DPP10: variants seen among roughly 807,000 people sequenced by gnomAD.
DPP10 encodes the protein dipeptidyl peptidase like 10.
Under a neutral mutation model 120.9 loss-of-function variants are expected in DPP10, and 33 were observed. The ratio of observed to expected loss-of-function variants is 0.27; its 90% CI spans 0.21 to 0.37. DPP10 has a LOEUF of 0.37. DPP10 is among the 10% of genes least tolerant of loss of function. The pLI, the probability that DPP10 is intolerant of heterozygous loss-of-function variation, is 1.00. For synonymous variants in DPP10, 337 were observed against 326.1 expected (o/e 1.03, Z -0.36); for missense variants, 816 against 942.8 (o/e 0.87, Z 1.76).
intron 5 of DPP10, among the ~76,000 whole-genome samples, chr2:115,558,053 A>G (rs939468004): frequency 2.6e-5 from 4 of 152,320 alleles, no homozygotes; most frequent in African/African-American, 4.8e-5. Flanking sequence ...TATTGTATAC[A>G]TTACATGTAC....
chr2:115,538,004 G>A (rs980321045), intron 5 of DPP10, among the ~76,000 whole-genome samples: 1 of 151,970 alleles, frequency 6.6e-6, no homozygotes, highest in Non-Finnish European at 1.5e-5. Context: ...CCCAGTCTAG[G>A]TAATCCAAGG....
chr2:114,738,858 T>C (rs1677732491), intron 1 of DPP10, among the ~76,000 whole-genome samples: 2 of 152,194 alleles, frequency 1.3e-5, no homozygotes, highest in East Asian at 1.9e-4. Flanking sequence ...AATTCTATTC[T>C]TTCTCCTCTT....
intron 4 of DPP10, among the ~76,000 whole-genome samples, chr2:115,500,751 C>G (rs777918021): frequency 6.6e-6 from 1 of 151,884 alleles, no homozygotes; most frequent in African/African-American, 2.4e-5. Context: ...CGTGGGATGT[C>G]AAGGATATGT....
chr2:114,909,529 T>C (rs1231586310), intron 1 of DPP10, among the ~76,000 whole-genome samples: 2 of 152,054 alleles, frequency 1.3e-5, no homozygotes, highest in African/African-American at 4.8e-5. Context: ...TTACTCTTGA[T>C]AGAATCTTGG....
At position 115,102,262 on chromosome 2, in the gene DPP10, C is replaced by T. The variant is rs1011792726; in HGVS notation, c.61-206977C>T. Among the ~76,000 whole-genome samples, 4 of 152,252 alleles carry T rather than the reference C, an allele frequency of 2.6e-5. No homozygotes were observed. The East Asian group carries it at 5.8e-4, about 22-fold the overall frequency. Reference sequence around the variant, plus strand: ...TTCTTTCACTCACAGGGGCTCCAACCCTCATGACCATATATAAACCTAATT... The same window carrying T: ...TTCTTTCACTCACAGGGGCTCCAACTCTCATGACCATATATAAACCTAATT... On this transcript the variant is annotated intron_variant, in intron 1 of 25. Transcript: ENST00000410059.
At chr2:115,429,214 C>A (rs2070754065) in intron 3 of DPP10, among the ~76,000 whole-genome samples, 1 of 128,490 alleles carries the variant, frequency 7.8e-6, no homozygotes, top group Non-Finnish European at 1.6e-5. Flanking sequence ...GCTTTTCTTA[C>A]TAGTTTTAAA....
chr2:114,812,343 T>C (rs1406256867), intron 1 of DPP10, among the ~76,000 whole-genome samples: 5 of 152,152 alleles, frequency 3.3e-5, no homozygotes, highest in African/African-American at 1.2e-4. Context: ...GACTCATGCC[T>C]GTAAGCCCAG....
chr2:114,987,110 A>G (rs999453364), intron 1 of DPP10, among the ~76,000 whole-genome samples: 2 of 152,166 alleles, frequency 1.3e-5, no homozygotes, highest in Non-Finnish European at 2.9e-5. Flanking sequence ...CCATTCCATT[A>G]GAGTTTTGAA....
At chr2:114,750,900 A>G (rs1679156692) in intron 1 of DPP10, among the ~76,000 whole-genome samples, 1 of 152,236 alleles carries the variant, frequency 6.6e-6, no homozygotes, top group Admixed American at 6.5e-5. Flanking sequence ...ACACCAGTTG[A>G]AATTATCTAA....
chr2:114,857,016 G>A (rs1387364559), intron 1 of DPP10, among the ~76,000 whole-genome samples: 3 of 151,980 alleles, frequency 2.0e-5, no homozygotes, highest in Non-Finnish European at 4.4e-5. Context: ...TAAAGATACT[G>A]AGAGTCAGAA....
chr2:115,334,228 C>CTTTTTTTTTTTTTTTTTTTTTTTT (rs1393213758), intron 2 of DPP10, among the ~76,000 whole-genome samples: 8 of 22,316 alleles, frequency 3.6e-4, no homozygotes, highest in African/African-American at 5.4e-4. Flanking sequence ...AGAGCAGACT[C>CTTTTTTTTTTTTTTTTTTTTTTTT]TGTTTTTTTT....
At chr2:114,705,002 C>A (rs1175625938) in intron 1 of DPP10, among the ~76,000 whole-genome samples, 1 of 152,150 alleles carries the variant, frequency 6.6e-6, no homozygotes, top group East Asian at 1.9e-4. Flanking sequence ...CCAAAACCAA[C>A]CCTGCCAATG....
At chr2:115,712,744 C>T (rs2092372790) in intron 7 of DPP10, among the ~76,000 whole-genome samples, 2 of 150,418 alleles carry the variant, frequency 1.3e-5, no homozygotes, top group South Asian at 2.1e-4. Flanking sequence ...CAAACCGCTA[C>T]AAAATTTTAT....
At chr2:115,147,901 T>C (rs749921605) in intron 1 of DPP10, among the ~76,000 whole-genome samples, 6 of 152,152 alleles carry the variant, frequency 3.9e-5, no homozygotes, top group African/African-American at 7.2e-5. Context: ...TTTTGGTAGA[T>C]AGGGAAACCC....
chr2:114,638,576 T>C (rs1558955677), intron 1 of DPP10, among the ~76,000 whole-genome samples: 1 of 151,870 alleles, frequency 6.6e-6, no homozygotes, highest in Non-Finnish European at 1.5e-5. Context: ...CACAGTGTGA[T>C]ACCATCTCCC....
intron 1 of DPP10, among the ~76,000 whole-genome samples, chr2:114,691,581 G>A (rs1699751609): frequency 6.6e-6 from 1 of 151,956 alleles, no homozygotes; most frequent in African/African-American, 2.4e-5. Flanking sequence ...TGACCTCATA[G>A]AATGAGTTAG....
At chr2:115,455,451 A>T (rs2073448765) in intron 3 of DPP10, among the ~76,000 whole-genome samples, 1 of 152,266 alleles carries the variant, frequency 6.6e-6, no homozygotes, top group South Asian at 2.1e-4. Flanking sequence ...TTCTTCACAG[A>T]ATTGGAAAAA....
intron 2 of DPP10, among the ~76,000 whole-genome samples, chr2:115,325,903 A>T (rs544264368): frequency 7.9e-5 from 12 of 152,138 alleles, no homozygotes; most frequent in Non-Finnish European, 1.5e-4. Context: ...ATAGTCAGAA[A>T]TAGAATATGT....
At chr2:114,467,902 C>G (rs992653074) in intron 1 of DPP10, among the ~76,000 whole-genome samples, 9 of 151,972 alleles carry the variant, frequency 5.9e-5, no homozygotes, top group African/African-American at 2.2e-4. Context: ...TGCTGTAGTC[C>G]CAGCTACTTG....
Sources: allele counts gnomAD v4.1 joint callset (sites outside exome capture counted in the v4.1 genomes callset), GRCh38; gene constraint gnomAD v4.1.1; transcripts MANE v1.5; gene names NCBI Gene and HGNC (gene_info 2026-07-23, HGNC 2026-07-21).